Variants in AGBL1 observed in about 807,000 individuals in gnomAD.
The protein encoded by AGBL1 is cytosolic carboxypeptidase 4.
AGBL1 carries 130 observed loss-of-function variants against 118.9 expected under a neutral mutation model. That is an observed-to-expected ratio of 1.09 (90% CI 0.95 to 1.26). The LOEUF (loss-of-function observed/expected upper bound fraction) is 1.26, where lower values mean the gene tolerates loss of function less well. Among genes scored for constraint, AGBL1 ranks in the 50% most tolerant of loss-of-function variants. AGBL1 has a pLI of 0.00. For synonymous variants in AGBL1, 555 were observed against 478.9 expected (o/e 1.16, Z -2.08); for missense variants, 1,584 against 1,298.1 (o/e 1.22, Z -3.38).
At chr15:86,961,297 C>T (rs1015747187) in intron 23 of AGBL1, among the ~76,000 whole-genome samples, 27 of 151,958 alleles carry the variant, frequency 1.8e-4, no homozygotes, top group Non-Finnish European at 4.4e-5. Flanking sequence ...TATAAATCTA[C>T]CCAGGCTTTA....
chr15:86,160,318 C>G (rs1297485776), intron 5 of AGBL1, among the ~76,000 whole-genome samples: 3 of 152,024 alleles, frequency 2.0e-5, no homozygotes, highest in Non-Finnish European at 4.4e-5. Context: ...ATATTTTACT[C>G]TGTCTTAAAT....
At chr15:86,082,967 A>G (rs747385424) in intron 1 of AGBL1, among the ~76,000 whole-genome samples, 16 of 152,224 alleles carry the variant, frequency 1.1e-4, no homozygotes, top group Non-Finnish European at 1.8e-4. Context: ...CTGAGCCTCC[A>G]TTTATGTAAT....
chr15:86,815,186 T>G (rs1490965181), intron 22 of AGBL1, among the ~76,000 whole-genome samples: 1 of 152,226 alleles, frequency 6.6e-6, no homozygotes, highest in Non-Finnish European at 1.5e-5. Context: ...AGTAATGACT[T>G]AAGTACTTTG....
At chr15:86,104,990 C>T (rs1038673827) in intron 1 of AGBL1, 4 of 152,198 alleles carry the variant, frequency 2.6e-5, no homozygotes, top group African/African-American at 7.2e-5. Context: ...GGGAGCCTCT[C>T]CAGGATCCCA....
chr15:86,597,023 G>A (rs1040093611), intron 21 of AGBL1, among the ~76,000 whole-genome samples: 11 of 152,096 alleles, frequency 7.2e-5, no homozygotes, highest in Admixed American at 7.2e-4. Flanking sequence ...AATTAGACAG[G>A]TTGTTCTCAT....
intron 18 of AGBL1, among the ~76,000 whole-genome samples, chr15:86,399,847 G>A (rs1367562947): frequency 6.6e-6 from 1 of 152,096 alleles, no homozygotes; most frequent in African/African-American, 2.4e-5. Flanking sequence ...TATTTATTAT[G>A]ATATGACTAA....
At chr15:86,681,520 T>A (rs1267224490) in intron 22 of AGBL1, among the ~76,000 whole-genome samples, 2 of 152,198 alleles carry the variant, frequency 1.3e-5, no homozygotes, top group South Asian at 2.1e-4. Flanking sequence ...GGCATTGGCC[T>A]CCTTGTACTT....
intron 1 of AGBL1, among the ~76,000 whole-genome samples, chr15:86,127,553 G>A (rs368457556): frequency 1.3e-4 from 19 of 151,282 alleles, no homozygotes; most frequent in East Asian, 5.8e-4. Flanking sequence ...CCACGTGGCC[G>A]AGGGCACGTG....
intron 21 of AGBL1, among the ~76,000 whole-genome samples, chr15:86,589,327 C>T (rs1020426473): frequency 1.1e-4 from 17 of 151,970 alleles, no homozygotes; most frequent in African/African-American, 4.1e-4. Flanking sequence ...GGCTGACCAC[C>T]CCATGAGGAA....
intron 1 of AGBL1, among the ~76,000 whole-genome samples, chr15:86,124,879 TATA>T (rs1898322640): frequency 6.6e-6 from 1 of 152,218 alleles, no homozygotes; most frequent in Non-Finnish European, 1.5e-5. Flanking sequence ...AGGGCACAAT[TATA>T]ATTACTCTCA....
chr15:86,316,145 T>C lies in AGBL1; in HGVS notation c.2374+20737T>C, dbSNP rs563383176. On this transcript the variant is annotated intron_variant, in intron 17 of 22. Coordinates refer to ENST00000614907, the MANE Select transcript of AGBL1 (RefSeq NM_001386094.1). ...AGCTTGTCTACTAAAGATAGACCCA[T>C]GAAGGATGCCTAACAGGGTCCCATG... Among the ~76,000 whole-genome samples, 126 of 152,294 alleles carry C rather than the reference T, an allele frequency of 8.3e-4. 3 individuals are homozygous for C. In the South Asian group the frequency reaches 0.024, roughly 29 times the overall value.
chr15:86,175,380 C>G (rs76724799), intron 5 of AGBL1, among the ~76,000 whole-genome samples: 1 of 151,934 alleles, frequency 6.6e-6, no homozygotes, highest in Non-Finnish European at 1.5e-5. Context: ...TCATTTCTGA[C>G]TTTATTTATT....
At chr15:86,657,088 C>T (rs767850810) in intron 21 of AGBL1, among the ~76,000 whole-genome samples, 2 of 152,132 alleles carry the variant, frequency 1.3e-5, no homozygotes, top group African/African-American at 2.4e-5. Flanking sequence ...GCTTCCAAGA[C>T]CCTCACCTTC....
At chr15:86,153,501 G>C (rs2077144793) in intron 3 of AGBL1, among the ~76,000 whole-genome samples, 1 of 151,578 alleles carries the variant, frequency 6.6e-6, no homozygotes. Context: ...ACACACCGGG[G>C]CCTGTCGTGG....
intron 19 of AGBL1, among the ~76,000 whole-genome samples, chr15:86,532,807 CT>C (rs1335912170): frequency 1.0e-5 from 1 of 100,240 alleles, no homozygotes; most frequent in African/African-American, 4.5e-5. Flanking sequence ...AATAACGCCG[CT>C]TACCTACAAC....
At chr15:87,001,665 C>A (rs192948757) in intron 24 of AGBL1, among the ~76,000 whole-genome samples, 3 of 151,908 alleles carry the variant, frequency 2.0e-5, no homozygotes, top group Admixed American at 1.3e-4. Context: ...TTTTAATGAT[C>A]GCCATTCTAA....
At chr15:86,603,024 T>C (rs1259042093) in intron 21 of AGBL1, among the ~76,000 whole-genome samples, 1 of 152,132 alleles carries the variant, frequency 6.6e-6, no homozygotes, top group Non-Finnish European at 1.5e-5. Flanking sequence ...CCATGCCAAA[T>C]GGTTCAATTA....
chr15:86,830,379 A>G (rs920769835), intron 22 of AGBL1, among the ~76,000 whole-genome samples: 2 of 152,118 alleles, frequency 1.3e-5, no homozygotes, highest in Non-Finnish European at 1.5e-5. Context: ...TTTAAAAAAA[A>G]CAATCATAGT....
intron 22 of AGBL1, among the ~76,000 whole-genome samples, chr15:86,724,067 C>G (rs866758534): frequency 1.4e-4 from 22 of 152,008 alleles, no homozygotes; most frequent in African/African-American, 4.6e-4. Context: ...AAACCCGTCT[C>G]TAATAAAAAT....
Sources: allele counts gnomAD v4.1 joint callset (sites outside exome capture counted in the v4.1 genomes callset), GRCh38; gene constraint gnomAD v4.1.1; transcripts MANE v1.5; gene names NCBI Gene and HGNC (gene_info 2026-07-23, HGNC 2026-07-21).